B3GAT3: variants seen among roughly 807,000 people sequenced by gnomAD.
B3GAT3 encodes galactosylgalactosylxylosylprotein 3-beta-glucuronosyltransferase 3.
A neutral mutation model predicts 33.1 loss-of-function variants in B3GAT3; 19 were observed. The ratio of observed to expected loss-of-function variants is 0.57; its 90% confidence interval spans 0.40 to 0.84. The LOEUF (loss-of-function observed/expected upper bound fraction) is 0.84. Ranked by LOEUF, B3GAT3 falls within the 40% of genes least tolerant of loss-of-function variation. The pLI is 0.00. For synonymous variants in B3GAT3, 167 were observed against 193.5 expected, an observed-to-expected ratio of 0.86 and a Z score of 1.14; for missense variants, 344 against 441.5, an observed-to-expected ratio of 0.78 and a Z score of 1.98.
At chr11:62,618,983 G>T (rs539960574) in intron 2 of B3GAT3, among the ~76,000 whole-genome samples, 57 of 146,568 alleles carry the variant, frequency 3.9e-4, no homozygotes, top group Admixed American at 7.4e-4. Context: ...ACTCCATCTC[G>T]GGAAAAAAAA....
intron 2 of B3GAT3, among the ~76,000 whole-genome samples, chr11:62,617,831 C>T (rs1302123024): frequency 1.4e-5 from 2 of 144,474 alleles, no homozygotes; most frequent in African/African-American, 5.2e-5. Context: ...GAGCTGAGAT[C>T]GCACCATTTC....
chr11:62,617,100 G>T lies in B3GAT3; in HGVS notation c.505C>A (p.Arg169=). Residue 169 remains arginine (R), a synonymous_variant, in exon 3 of 5, where the codon CGG becomes AGG. Transcript: ENST00000265471. ...CCACCCACAGCACCCCCTCTGCCCC[G>T]GAGCCAGTCCAGGGCCTTGTTCCGC... The part of the protein sequence containing the change: ...EQRNKALDWL[R]GRGGAVGGEK... The T allele has an allele frequency of 1.9e-6, 3 of 1,614,020 alleles. No individual in the cohort carries two copies. Among genetic ancestry groups the T allele is most frequent in the Non-Finnish European group, 2.5e-6 (3 of 1,180,012 alleles).
rs1438535552 is a variant in B3GAT3 at position 62,620,501 on chromosome 11, C to T, written c.253G>A (p.Ala85Thr). 4 of 1,611,880 alleles carry T rather than the reference C, an allele frequency of 2.5e-6. No homozygotes were observed. In the African/African-American group the frequency reaches 4.0e-5, roughly 16 times the overall value. ...PTIYVVTPTY[A>T]RLVQKAELVR... ...TGAGTGCACCAGAGCCCATACCTGG[C>T]ATAGGTGGGGGTAACAACATAGATA... The change falls in exon 2 of 5, where the codon GCC (alanine) becomes ACC (threonine). Residue 85 changes from alanine to threonine, a missense_variant. Physicochemically the swap from Ala to Thr is moderately conservative, Grantham distance 58. Transcript: ENST00000265471.
chr11:62,619,722 T>TTTTTTC (rs1943108733), intron 2 of B3GAT3, among the ~76,000 whole-genome samples: 1 of 134,518 alleles, frequency 7.4e-6, no homozygotes, highest in East Asian at 2.1e-4. Context: ...TTTTTTTTTT[T>TTTTTTC]TTCAGAGACA....
Position 62,621,925 on chromosome 11 carries a change from A to C in B3GAT3, c.23T>G (p.Val8Gly). The C allele has an allele frequency of 1.2e-6, 2 of 1,612,922 alleles. No individual in the cohort carries two copies. Among genetic ancestry groups the C allele is most frequent in the South Asian group, 1.1e-5 (1 of 91,074 alleles). Residue 8 changes from valine to glycine, a missense_variant, in exon 1 of 5, where the codon GTG (valine) becomes GGG (glycine). Physicochemically the swap from Val to Gly is moderately radical, Grantham distance 109 (BLOSUM62 -3). Transcript: ENST00000265471. ...CGACACCAGGAAGTAGGCGAGAAAC[A>C]CGTTCTTCAGCTTCAGCTTCATGGC... is the stretch of plus-strand genomic sequence containing the variant. MKLKLKN[V>G]FLAYFLVSIA...
Position 62,617,476 on chromosome 11 carries a change from C to T in B3GAT3, c.258-129G>A, listed in dbSNP as rs1016528209. 1.0e-5 allele frequency: 13 copies of T among 1,290,432 alleles called. No individual in the cohort carries two copies. The East Asian group carries it at 3.1e-4, about 31-fold the overall frequency. 79.9% of individuals were successfully genotyped at this position (1,290,432 alleles called of 1,614,324 possible). ...CCCTTCCCAACCAATGCCTAAACTC[C>T]CTCTTTCTTGCCTGTCAACTTCATG... On this transcript the variant is annotated intron_variant, in intron 2 of 4. Coordinates refer to ENST00000265471, the MANE Select transcript of B3GAT3 (RefSeq NM_012200.4).
Position 62,616,159 on chromosome 11 carries a change from G to C in B3GAT3, c.909+347C>G, listed in dbSNP as rs1424215076. On this transcript the variant is annotated intron_variant, in intron 4 of 4. Coordinates refer to ENST00000265471, the MANE Select transcript of B3GAT3 (RefSeq NM_012200.4). ...CTTGGGAGGCTGAGGCAGGAGAATG[G>C]TGTGAACCCGGGAGGCGGAGCTTGC... The C allele has an allele frequency of 9.4e-6, 5 of 532,060 alleles. 1 individual carries two copies. In the South Asian group the frequency reaches 1.0e-4, roughly 11 times the overall value. The allele number at this position is 532,060 out of a possible 1,614,324, so 33.0% of individuals were successfully genotyped here. A position where few individuals can be genotyped will look rare whatever the true frequency, so the allele number is the denominator to read the frequency against.
At chr11:62,621,597 G>A (rs1590781088) in intron 1 of B3GAT3, among the ~76,000 whole-genome samples, 2 of 152,358 alleles carry the variant, frequency 1.3e-5, no homozygotes, top group Middle Eastern at 3.4e-3. Flanking sequence ...AGCAGAGCGA[G>A]GGAGAGGGGT....
rs1235667013 is a variant in B3GAT3 at position 62,617,350 on chromosome 11, GC to G, written c.258-4del. On this transcript the variant is annotated splice_region_variant and splice_polypyrimidine_tract_variant and intron_variant, in intron 2 of 4. Coordinates refer to ENST00000265471, the MANE Select transcript of B3GAT3 (RefSeq NM_012200.4). ...CCAGCTCTGCCTTCTGTACCAGCCT[GC>G]AGGGGAGAGATGCAGCACAAGGAAA... 6.2e-7 allele frequency: 1 copy of G among 1,611,306 alleles called. No homozygotes were observed. Among genetic ancestry groups the G allele is most frequent in the African/African-American group, 1.3e-5 (1 of 74,938 alleles).
rs773609505 is a variant in B3GAT3 at position 62,621,857 on chromosome 11, C to CCCGCT, written c.82+4_82+8dup. On this transcript the variant is annotated intron_variant, in intron 1 of 4. Transcript: ENST00000265471. ...CCAGCCCGCCGCACCCCCGCCCCGC[C>CCCGCT]CCGCTCACCGAGCTGTACCAGCGCG... is the stretch of plus-strand genomic sequence containing the variant. The CCCGCT allele has an allele frequency of 1.1e-5, 17 of 1,610,308 alleles. No homozygotes were observed. The East Asian group carries it at 3.4e-4, about 32-fold the overall frequency.
At chr11:62,621,194 C>T in intron 1 of B3GAT3, 1 of 456,254 alleles carries the variant, frequency 2.2e-6, no homozygotes, top group Non-Finnish European at 4.4e-6. Flanking sequence ...GAATACTCTT[C>T]CTAGGAGGCA....
chr11:62,616,341 TC>T, intron 4 of B3GAT3, 164 bp downstream of exon 4: 2 of 1,033,412 alleles, frequency 1.9e-6, no homozygotes, highest in South Asian at 2.8e-5. Context: ...GAGACCACTT[TC>T]CCCCGCTAGT....
chr11:62,620,780 T>C, intron 1 of B3GAT3, 109 bp from the exon 2 acceptor site: 1 of 1,113,302 alleles, frequency 9.0e-7, no homozygotes, highest in East Asian at 2.6e-5. Flanking sequence ...CCAATGCAGG[T>C]ATCACCTTAT....
chr11:62,621,101 C>T (rs1332051514), intron 1 of B3GAT3: 3 of 461,888 alleles, frequency 6.5e-6, no homozygotes, highest in Non-Finnish European at 1.3e-5. Flanking sequence ...GCATAAGGGG[C>T]AGGGTTCGAT....
intron 2 of B3GAT3, among the ~76,000 whole-genome samples, chr11:62,617,664 C>T (rs1321771342): frequency 6.6e-6 from 1 of 151,270 alleles, no homozygotes; most frequent in Admixed American, 6.6e-5. Flanking sequence ...TACCTGAGGT[C>T]TGGAGTTCCA....
In B3GAT3 at chr11:62,616,716, G is replaced by A. The variant is rs574558220; in HGVS notation, c.699C>T (p.Asp233=). 1.1e-4 allele frequency: 174 copies of A among 1,614,050 alleles called. No homozygotes were observed. Among genetic ancestry groups the A allele is most frequent in the African/African-American group, 1.5e-4 (11 of 75,056 alleles). ...CTGTGTGGAAGCCCACTACCCGGCC[G>A]TCCTGTACCTGAGGGCCCTCGAATC... The part of the protein sequence containing the change: ...GLRFEGPQVQ[D]GRVVGFHTAW... The change falls in exon 4 of 5, where the codon GAC becomes GAT. Residue 233 remains aspartate, a synonymous_variant. Transcript: ENST00000265471.
intron 2 of B3GAT3, among the ~76,000 whole-genome samples, chr11:62,618,380 G>T (rs142631848): frequency 1.3e-5 from 2 of 152,016 alleles, no homozygotes; most frequent in Admixed American, 6.5e-5. Flanking sequence ...GATTAAATAA[G>T]AGCTGGGGAT....
At chr11:62,621,487 C>G (rs1445607387) in intron 1 of B3GAT3, among the ~76,000 whole-genome samples, 1 of 152,080 alleles carries the variant, frequency 6.6e-6, no homozygotes, top group Non-Finnish European at 1.5e-5. Flanking sequence ...CCGGGAAACG[C>G]TGGAAGCAAA....
At chr11:62,621,012 A>C (rs927991211) in intron 1 of B3GAT3, 1 of 515,774 alleles carries the variant, frequency 1.9e-6, no homozygotes, top group African/African-American at 1.9e-5. Flanking sequence ...GTGCCAACTA[A>C]CCATTACACT....
Sources: gnomAD v4.1 joint callset for allele counts (sites outside exome capture counted in the v4.1 genomes callset) on GRCh38, gnomAD v4.1.1 for gene constraint, MANE v1.5 for transcripts, NCBI Gene and HGNC (gene_info 2026-07-23, HGNC 2026-07-21) for gene names.